UST: variants seen among roughly 807,000 people sequenced by gnomAD.
UST encodes uronyl 2-sulfotransferase.
UST carries 21 observed loss-of-function variants against 45.6 expected under a neutral mutation model. The ratio of observed to expected loss-of-function variants is 0.46; its 90% CI spans 0.33 to 0.66. UST has a LOEUF of 0.66. Ranked by LOEUF, UST falls within the 30% of genes least tolerant of loss-of-function variation. The pLI is 0.02. For synonymous variants in UST, 215 were observed against 200.6 expected, an observed-to-expected ratio of 1.07 and a Z score of -0.61; for missense variants, 463 against 512.4, an observed-to-expected ratio of 0.90 and a Z score of 0.93.
Position 148,773,052 on chromosome 6 carries a change from T to A in UST, c.247+25375T>A, listed in dbSNP as rs542913959. 1.7e-4 allele frequency among the ~76,000 whole-genome samples: 26 copies of A among 152,212 alleles called. 1 individual carries two copies. The highest frequency in any genetic ancestry group is 3.9e-4 in the East Asian group (2 of 5,184). On this transcript the variant is annotated intron_variant, in intron 1 of 7. Coordinates refer to ENST00000367463, the MANE Select transcript of UST (RefSeq NM_005715.3). Reference sequence around the variant, plus strand: ...TCTCACAAAATTGTTTAAGGAATTTTAAAAAAAATTATAGAAAATAGGATC... The same window carrying A: ...TCTCACAAAATTGTTTAAGGAATTTAAAAAAAAATTATAGAAAATAGGATC...
At chr6:148,945,773 T>G (rs1780223468) in intron 3 of UST, among the ~76,000 whole-genome samples, 1 of 152,212 alleles carries the variant, frequency 6.6e-6, no homozygotes, top group African/African-American at 2.4e-5. Flanking sequence ...AGGGGAGTCT[T>G]AATGAGTGTT....
At chr6:148,799,186 AT>A (rs1233119396) in intron 1 of UST, among the ~76,000 whole-genome samples, 2 of 152,212 alleles carry the variant, frequency 1.3e-5, no homozygotes, top group East Asian at 1.9e-4. Flanking sequence ...TAGGATTTAA[AT>A]AAAGGCTTTA....
chr6:148,845,109 C>G (rs1312478235), intron 1 of UST, among the ~76,000 whole-genome samples: 1 of 152,112 alleles, frequency 6.6e-6, no homozygotes, highest in Non-Finnish European at 1.5e-5. Flanking sequence ...GTGCATGTGT[C>G]TTTTTTGGTA....
At chr6:148,980,035 T>A (rs1466300301) in intron 5 of UST, among the ~76,000 whole-genome samples, 4 of 152,206 alleles carry the variant, frequency 2.6e-5, no homozygotes, top group Non-Finnish European at 4.4e-5. Context: ...TGCCTCACAA[T>A]ATTTCTTTCC....
chr6:148,879,946 T>TC (rs1562287259), intron 1 of UST, among the ~76,000 whole-genome samples: 43 of 69,190 alleles, frequency 6.2e-4, no homozygotes, highest in Admixed American at 7.4e-4. Flanking sequence ...TTTTTCTTTT[T>TC]TTTTTCTTTT....
intron 2 of UST, among the ~76,000 whole-genome samples, chr6:148,918,521 T>C (rs1779633748): frequency 6.6e-6 from 1 of 152,270 alleles, no homozygotes; most frequent in South Asian, 2.1e-4. Flanking sequence ...ATGTAAATTT[T>C]ATAGGGCCAT....
At chr6:148,910,855 T>G (rs1039814822) in intron 2 of UST, among the ~76,000 whole-genome samples, 1 of 152,168 alleles carries the variant, frequency 6.6e-6, no homozygotes, top group Admixed American at 6.5e-5. Context: ...GGTGTCTGTT[T>G]CTAATCGTTT....
chr6:149,042,437 G>A (rs1316997661), intron 7 of UST, among the ~76,000 whole-genome samples: 2 of 152,300 alleles, frequency 1.3e-5, no homozygotes, highest in African/African-American at 4.8e-5. Flanking sequence ...AATCTTGGCT[G>A]CCGTGGGATA....
chr6:149,028,849 T>C (rs1259315892), intron 7 of UST, among the ~76,000 whole-genome samples: 1 of 152,196 alleles, frequency 6.6e-6, no homozygotes, highest in Non-Finnish European at 1.5e-5. Context: ...TGCTGAATAT[T>C]GAATTTTGCT....
intron 1 of UST, among the ~76,000 whole-genome samples, chr6:148,859,913 G>A (rs1253671130): frequency 6.6e-6 from 1 of 152,184 alleles, no homozygotes; most frequent in East Asian, 1.9e-4. Flanking sequence ...CATTTAGTTT[G>A]AAGTCAGGTA....
In UST at chr6:148,993,956, C is replaced by CTTTTT. The variant is rs57552256; in HGVS notation, c.682-25159_682-25155dup. ...TTACCCAGTCTTGAATATTTCTTTCCTTTTTTTTTTTTTTTTTTTTTTTTT... is the reference window on the plus strand; with the variant it reads ...TTACCCAGTCTTGAATATTTCTTTCCTTTTTTTTTTTTTTTTTTTTTTTTTTTTTT... On this transcript the variant is annotated intron_variant, in intron 5 of 7. Coordinates refer to ENST00000367463, the MANE Select transcript of UST (RefSeq NM_005715.3). Among the ~76,000 whole-genome samples the CTTTTT allele has an allele frequency of 9.7e-3, 929 of 95,326 alleles. 110 individuals are homozygous for CTTTTT. The highest frequency in any genetic ancestry group is 0.035 in the African/African-American group (774 of 21,830). The allele number at this position is 95,326 out of a possible 152,430, so 62.5% of individuals were successfully genotyped here.
At chr6:148,845,234 A>G (rs1453173306) in intron 1 of UST, among the ~76,000 whole-genome samples, 1 of 152,234 alleles carries the variant, frequency 6.6e-6, no homozygotes, top group Non-Finnish European at 1.5e-5. Context: ...GTTTGAAACT[A>G]ACTGAACTAA....
In UST at chr6:148,878,147, G is replaced by A. The variant is rs377187679; in HGVS notation, c.248-8839G>A. 4.8e-5 allele frequency among the ~76,000 whole-genome samples: 6 copies of A among 124,774 alleles called. No homozygotes were observed. The East Asian group carries it at 1.3e-3, about 26-fold the overall frequency. The allele number at this position is 124,774 out of a possible 152,430, so 81.9% of individuals were successfully genotyped here. On this transcript the variant is annotated intron_variant, in intron 1 of 7. Transcript: ENST00000367463. ...TGTGGGGGATCATGTAAGAGTGCGG[G>A]GGTCGTGTGTGAGTGCGGGGGATTG...
chr6:148,774,737 G>A (rs986707265), intron 1 of UST, among the ~76,000 whole-genome samples: 1 of 152,220 alleles, frequency 6.6e-6, no homozygotes, highest in Non-Finnish European at 1.5e-5. Flanking sequence ...GAGTGCATGA[G>A]GTCAGGTGCG....
At chr6:148,876,052 G>A (rs564172245) in intron 1 of UST, among the ~76,000 whole-genome samples, 1 of 152,156 alleles carries the variant, frequency 6.6e-6, no homozygotes, top group African/African-American at 2.4e-5. Flanking sequence ...AAGAAAGGAG[G>A]TTTAATTGGT....
intron 2 of UST, among the ~76,000 whole-genome samples, chr6:148,902,393 AT>A (rs71554423): frequency 0.13 from 18,010 of 142,068 alleles, 1,135 homozygotes; most frequent in Middle Eastern, 0.16. Context: ...TGCCTGGCTA[AT>A]TTTTTTTTTT....
chr6:148,978,488 A>G (rs1187159810), intron 5 of UST, among the ~76,000 whole-genome samples: 1 of 152,208 alleles, frequency 6.6e-6, no homozygotes, highest in Admixed American at 6.5e-5. Flanking sequence ...AATACTATGC[A>G]GCCATAAAAA....
At chr6:148,980,826 C>A (rs375934397) in intron 5 of UST, among the ~76,000 whole-genome samples, 1 of 152,064 alleles carries the variant, frequency 6.6e-6, no homozygotes, top group African/African-American at 2.4e-5. Context: ...TTCAAACCAT[C>A]CTCCTCCCTC....
At chr6:148,862,757 A>T (rs531209964) in intron 1 of UST, among the ~76,000 whole-genome samples, 1 of 152,252 alleles carries the variant, frequency 6.6e-6, no homozygotes, top group South Asian at 2.1e-4. Flanking sequence ...TCACTTATGA[A>T]GCTTAGTTTG....
Sources: allele counts gnomAD v4.1 joint callset (sites outside exome capture counted in the v4.1 genomes callset), GRCh38; gene constraint gnomAD v4.1.1; transcripts MANE v1.5; gene names NCBI Gene and HGNC (gene_info 2026-07-23, HGNC 2026-07-21).